Variants in CSMD1 observed in about 807,000 individuals in gnomAD.
CSMD1 encodes the protein CUB and sushi domain-containing protein 1.
In CSMD1, 213 loss-of-function variants were observed where a neutral mutation model predicts 417.5. The observed-to-expected ratio is 0.51, with a 90% CI of 0.46 to 0.57. The LOEUF is 0.57. Among genes scored for constraint, CSMD1 ranks in the 20% least tolerant of loss-of-function variants. CSMD1 has a pLI of 0.00. For synonymous variants in CSMD1, 2,862 were observed against 1,736.8 expected, an observed-to-expected ratio of 1.65 and a Z score of -16.11; for missense variants, 6,923 against 4,529.7, an observed-to-expected ratio of 1.53 and a Z score of -15.17.
chr8:4,888,680 G>A (rs1453691883), intron 1 of CSMD1, among the ~76,000 whole-genome samples: 2 of 152,136 alleles, frequency 1.3e-5, no homozygotes, highest in South Asian at 4.1e-4. Flanking sequence ...AGAAACCAGG[G>A]GTCCTTGAGG....
chr8:4,843,103 G>A (rs1345302445), intron 1 of CSMD1, among the ~76,000 whole-genome samples: 4 of 152,182 alleles, frequency 2.6e-5, no homozygotes, highest in African/African-American at 9.7e-5. Flanking sequence ...TTGTTAGGAT[G>A]TGCGAATTGA....
At chr8:3,123,063 ATGAT>A (rs1183086114) in intron 41 of CSMD1, among the ~76,000 whole-genome samples, 1 of 152,162 alleles carries the variant, frequency 6.6e-6, no homozygotes, top group East Asian at 1.9e-4. Context: ...CGTGTCCCTC[ATGAT>A]TGATTGTTTT....
chr8:4,945,949 C>A (rs1808339993), intron 1 of CSMD1, among the ~76,000 whole-genome samples: 3 of 152,216 alleles, frequency 2.0e-5, no homozygotes, highest in Middle Eastern at 6.8e-3. Flanking sequence ...GAGCTATGTG[C>A]AAGAAAGTAG....
chr8:3,908,633 G>C (rs1808263854), intron 5 of CSMD1, among the ~76,000 whole-genome samples: 1 of 152,086 alleles, frequency 6.6e-6, no homozygotes, highest in Admixed American at 6.6e-5. Flanking sequence ...AAAAAAATCT[G>C]TCTTATTTTT....
intron 4 of CSMD1, among the ~76,000 whole-genome samples, chr8:4,014,828 G>C (rs529883149): frequency 1.3e-5 from 2 of 152,066 alleles, no homozygotes; most frequent in African/African-American, 4.8e-5. Context: ...ACCTAACATG[G>C]TATCTGCATG....
At chr8:4,328,693 G>A (rs770156316) in intron 3 of CSMD1, among the ~76,000 whole-genome samples, 1 of 152,034 alleles carries the variant, frequency 6.6e-6, no homozygotes, top group Non-Finnish European at 1.5e-5. Context: ...AACCTACTAG[G>A]AAGTGCTTTA....
At chr8:3,784,680 A>G (rs1799354691) in intron 5 of CSMD1, among the ~76,000 whole-genome samples, 1 of 152,230 alleles carries the variant, frequency 6.6e-6, no homozygotes, top group Admixed American at 6.5e-5. Flanking sequence ...TTGTCAGCAA[A>G]TTTTCAAATA....
intron 3 of CSMD1, among the ~76,000 whole-genome samples, chr8:4,398,587 G>A (rs1215336066): frequency 1.3e-5 from 2 of 151,666 alleles, no homozygotes; most frequent in Non-Finnish European, 2.9e-5. Flanking sequence ...AGTAGAGACG[G>A]GGTTTCACCG....
At chr8:4,640,959 A>G (rs1390114250) in intron 1 of CSMD1, among the ~76,000 whole-genome samples, 9 of 151,536 alleles carry the variant, frequency 5.9e-5, no homozygotes, top group Admixed American at 5.3e-4. Context: ...GGCAATATCA[A>G]TGGTAAAAAA....
rs138390184 is a variant in CSMD1 at position 3,831,759 on chromosome 8, C to T, written c.819-77717G>A. Among the ~76,000 whole-genome samples, 592 of 152,168 alleles carry T rather than the reference C, an allele frequency of 3.9e-3. 5 individuals carry two copies. Among genetic ancestry groups the T allele is most frequent in the African/African-American group, 0.014 (566 of 41,532 alleles). On this transcript the variant is annotated intron_variant, in intron 5 of 69. Coordinates refer to ENST00000635120, the MANE Select transcript of CSMD1 (RefSeq NM_033225.6). ...AAATACAGTTCTCGGATGGGTAGCACAACACATAGCCATTTGGGATATTTT... is the reference window on the plus strand; with the variant it reads ...AAATACAGTTCTCGGATGGGTAGCATAACACATAGCCATTTGGGATATTTT...
chr8:3,891,044 T>A (rs1481334656), intron 5 of CSMD1, among the ~76,000 whole-genome samples: 1 of 152,030 alleles, frequency 6.6e-6, no homozygotes, highest in South Asian at 2.1e-4. Context: ...TTTTGTTTTT[T>A]TTTTGTTTTA....
intron 23 of CSMD1, among the ~76,000 whole-genome samples, chr8:3,315,975 T>A (rs1019429104): frequency 2.6e-5 from 4 of 152,208 alleles, no homozygotes; most frequent in African/African-American, 9.6e-5. Context: ...TAATATCAAT[T>A]CTGAGACGTC....
intron 41 of CSMD1, among the ~76,000 whole-genome samples, chr8:3,131,637 A>T (rs1699864115): frequency 6.6e-6 from 1 of 151,972 alleles, no homozygotes; most frequent in Non-Finnish European, 1.5e-5. Flanking sequence ...ATGCCCAGCT[A>T]CTTTTTGTAT....
chr8:3,871,023 C>T (rs978969688), intron 5 of CSMD1, among the ~76,000 whole-genome samples: 1 of 151,690 alleles, frequency 6.6e-6, no homozygotes, highest in Non-Finnish European at 1.5e-5. Context: ...TAAAAAAATT[C>T]AATACATATA....
At chr8:4,093,973 GATAGATA>G (rs1800859155) in intron 3 of CSMD1, among the ~76,000 whole-genome samples, 1 of 145,760 alleles carries the variant, frequency 6.9e-6, no homozygotes, top group African/African-American at 2.5e-5. Context: ...CAAATAGATA[GATAGATA>G]GATAGATAGA....
chr8:4,176,282 A>G (rs909766145), intron 3 of CSMD1, among the ~76,000 whole-genome samples: 1 of 152,102 alleles, frequency 6.6e-6, no homozygotes, highest in Non-Finnish European at 1.5e-5. Flanking sequence ...AATGAGAACA[A>G]AATTCTATAG....
rs1161154023 is a variant in CSMD1 at position 4,856,891 on chromosome 8, G to C, written c.85+137441C>G. Among the ~76,000 whole-genome samples, 12 of 152,160 alleles carry C rather than the reference G, an allele frequency of 7.9e-5. No homozygotes were observed. The South Asian group carries it at 1.9e-3, about 24-fold the overall frequency. ...AAGTCAACAAGGATACCCAGGAATT[G>C]AACTCAGCTCTGAACCAAGTGGACC... On this transcript the variant is annotated intron_variant, in intron 1 of 69. Transcript: ENST00000635120.
chr8:3,832,956 G>A (rs57103261), intron 5 of CSMD1, among the ~76,000 whole-genome samples: 3,072 of 152,136 alleles, frequency 0.02, 105 homozygotes, highest in African/African-American at 0.069. Context: ...TTTAACAAGT[G>A]AATATCAATA....
At chr8:3,475,301 T>C (rs553788656) in intron 11 of CSMD1, among the ~76,000 whole-genome samples, 2 of 152,338 alleles carry the variant, frequency 1.3e-5, no homozygotes, top group Admixed American at 6.5e-5. Context: ...TGCAATTTTA[T>C]GTCTCTTGGC....
Sources: gnomAD v4.1 joint callset for allele counts (sites outside exome capture counted in the v4.1 genomes callset) on GRCh38, gnomAD v4.1.1 for gene constraint, MANE v1.5 for transcripts, NCBI Gene and HGNC (gene_info 2026-07-23, HGNC 2026-07-21) for gene names.